The following TOP1 variants were observed in gnomAD, a reference collection of about 807,000 sequenced individuals.
The protein encoded by TOP1 is DNA topoisomerase 1.
Under a neutral mutation model 111.1 loss-of-function variants are expected in TOP1, and 10 were observed. The ratio of observed to expected loss-of-function variants is 0.09; its 90% CI spans 0.06 to 0.15. The LOEUF (loss-of-function observed/expected upper bound fraction) is 0.15. Ranked by LOEUF, TOP1 falls within the 10% of genes least tolerant of loss-of-function variation. The pLI, the probability that TOP1 is intolerant of heterozygous loss-of-function variation, is 1.00. For synonymous variants in TOP1, 271 were observed against 302.9 expected, an observed-to-expected ratio of 0.89 and a Z score of 1.10; for missense variants, 474 against 926.7, an observed-to-expected ratio of 0.51 and a Z score of 6.34.
Position 41,123,131 on chromosome 20 carries a change from G to A in TOP1, c.2196-64G>A. ...AGAGAAGATGGAACATCTGACCCTG[G>A]GCCTCAGATATGGGCCATTGCTGAG... On this transcript the variant is annotated intron_variant, in intron 20 of 20. Coordinates refer to ENST00000361337, the MANE Select transcript of TOP1 (RefSeq NM_003286.4). This position sits in a 1 kb window ranked among gnomAD's most constrained non-coding sequence, Gnocchi z 5.8. The A allele has an allele frequency of 9.4e-7, 1 of 1,058,740 alleles. No homozygotes were observed. The allele number at this position is 1,058,740 out of a possible 1,614,324, so 65.6% of individuals were successfully genotyped here. A position where few individuals can be genotyped will look rare whatever the true frequency, so the allele number is the denominator to read the frequency against.
intron 8 of TOP1, among the ~76,000 whole-genome samples, chr20:41,090,357 T>C (rs2033905121): frequency 6.6e-6 from 1 of 152,206 alleles, no homozygotes; most frequent in Non-Finnish European, 1.5e-5. Flanking sequence ...GGGTTGTTTA[T>C]TGAGATGTAG....
intron 2 of TOP1, among the ~76,000 whole-genome samples, chr20:41,048,673 G>A (rs2033363833): frequency 6.6e-6 from 1 of 152,236 alleles, no homozygotes; most frequent in African/African-American, 2.4e-5. Context: ...ACAATGAACA[G>A]TCTGTTCTGG....
rs1568687894 is a variant in TOP1, at chr20:41,079,826, G to A, written c.336-259G>A. On this transcript the variant is annotated intron_variant, in intron 5 of 20. Coordinates refer to ENST00000361337, the MANE Select transcript of TOP1 (RefSeq NM_003286.4). This position sits in a 1 kb window ranked among gnomAD's most constrained non-coding sequence, Gnocchi z 4.0. ...TGCTGGCAAAGATAGCTAAGAAATA[G>A]TGAGAAAGAATTCTGACTTAGAATA... Among the ~76,000 whole-genome samples, 2 of 152,220 alleles carry A rather than the reference G, an allele frequency of 1.3e-5. No homozygotes were observed. Among genetic ancestry groups the A allele is most frequent in the East Asian group, 1.9e-4 (1 of 5,202 alleles).
chr20:41,108,311 T>C (rs1292534136), intron 13 of TOP1, among the ~76,000 whole-genome samples: 1 of 152,206 alleles, frequency 6.6e-6, no homozygotes, highest in Admixed American at 6.5e-5. Context: ...TATCAAGAAA[T>C]GTAGCACAAG....
intron 2 of TOP1, among the ~76,000 whole-genome samples, chr20:41,052,713 A>G (rs774303931): frequency 2.0e-5 from 3 of 152,192 alleles, no homozygotes; most frequent in Non-Finnish European, 4.4e-5. Context: ...AAAAAGGACC[A>G]GGCATGGTGG....
At position 41,101,075 on chromosome 20, in the gene TOP1, G is replaced by A. The variant is rs550675305; in HGVS notation, c.1164-134G>A. The A allele has an allele frequency of 2.5e-6, 2 of 795,574 alleles. No individual in the cohort carries two copies. The highest frequency in any genetic ancestry group is 2.4e-5 in the Admixed American group (1 of 41,100). The allele number at this position is 795,574 out of a possible 1,614,324, so 49.3% of individuals were successfully genotyped here. A position where few individuals can be genotyped will look rare whatever the true frequency, so the allele number is the denominator to read the frequency against. On this transcript the variant is annotated intron_variant, in intron 12 of 20. Transcript: ENST00000361337. This position sits in a 1 kb window ranked among gnomAD's most constrained non-coding sequence, Gnocchi z 4.1. ...GAGGGTAAGTAAAACCATGCATAAG[G>A]TGGGACTACTGTATTGACTGTTAAG...
rs2033097061 is a variant in TOP1, at chr20:41,029,941, A to C, written c.58+486A>C. 6.6e-6 allele frequency among the ~76,000 whole-genome samples: 1 copy of C among 152,048 alleles called. No homozygotes were observed. The highest frequency in any genetic ancestry group is 2.4e-5 in the African/African-American group (1 of 41,394). ...GGGGGACTGAATTATTATTTTTTAA[A>C]CTTTATTTTGGGGGTTATTCCCTTT... is the stretch of plus-strand genomic sequence containing the variant. On this transcript the variant is annotated intron_variant, in intron 2 of 20. Coordinates refer to ENST00000361337, the MANE Select transcript of TOP1 (RefSeq NM_003286.4). The surrounding 1 kb of genome is among the most constrained non-coding windows in gnomAD (Gnocchi z 6.1).
In TOP1 at chr20:41,089,709, T is replaced by C. The variant is rs1445572954; in HGVS notation, c.615-2763T>C. ...TTCTGTGCTTAACTTTTTGAGGAAC[T>C]GCCATACTATCTTTTCCACATTGGC... On this transcript the variant is annotated intron_variant, in intron 8 of 20. Coordinates refer to ENST00000361337, the MANE Select transcript of TOP1 (RefSeq NM_003286.4). 2.6e-5 allele frequency among the ~76,000 whole-genome samples: 4 copies of C among 152,210 alleles called. No homozygotes were observed. In the East Asian group the frequency reaches 7.7e-4, roughly 29 times the overall value.
chr20:41,028,880 C>CA lies in TOP1; in HGVS notation c.-187dup, dbSNP rs1162527595. ...GGGTCTGTTCTCGCCGCCCGCCCGG[C>CA]AGTCAGGCAGCGTCGCCGCCGTGGT... On this transcript the variant is annotated 5_prime_UTR_variant, in exon 1 of 21. Coordinates refer to ENST00000361337, the MANE Select transcript of TOP1 (RefSeq NM_003286.4). 1 of 562,434 alleles carries CA rather than the reference C, an allele frequency of 1.8e-6. No homozygotes were observed. Among genetic ancestry groups the CA allele is most frequent in the Admixed American group, 3.4e-5 (1 of 29,390 alleles). 34.8% of individuals were successfully genotyped at this position (562,434 alleles called of 1,614,324 possible).
chr20:41,088,218 GC>G (rs1228988653), intron 8 of TOP1, among the ~76,000 whole-genome samples: 2 of 152,222 alleles, frequency 1.3e-5, no homozygotes, highest in Non-Finnish European at 2.9e-5. Flanking sequence ...ACACTGTAGG[GC>G]CGGGCGTGGT....
At chr20:41,066,352 A>G (rs1313463068) in intron 3 of TOP1, among the ~76,000 whole-genome samples, 2 of 151,842 alleles carry the variant, frequency 1.3e-5, no homozygotes, top group East Asian at 3.9e-4. Flanking sequence ...ACCTTCTTCA[A>G]CTCAGTTTCT....
intron 2 of TOP1, among the ~76,000 whole-genome samples, chr20:41,057,843 A>C (rs2033492888): frequency 6.6e-6 from 1 of 152,136 alleles, no homozygotes; most frequent in Admixed American, 6.5e-5. Flanking sequence ...TAATTGACAC[A>C]CATGCTTTAT....
chr20:41,077,013 A>G (rs985348160), intron 4 of TOP1, among the ~76,000 whole-genome samples: 1 of 152,230 alleles, frequency 6.6e-6, no homozygotes, highest in Non-Finnish European at 1.5e-5. Context: ...GAAAGCAGGA[A>G]GTCAAAGGGG....
At chr20:41,091,066 A>G (rs956978123) in intron 8 of TOP1, among the ~76,000 whole-genome samples, 1 of 152,208 alleles carries the variant, frequency 6.6e-6, no homozygotes, top group African/African-American at 2.4e-5. Flanking sequence ...GTTGTAAATC[A>G]TTTGACCATA....
intron 3 of TOP1, chr20:41,072,994 T>G: frequency 1.0e-6 from 1 of 985,456 alleles, no homozygotes; most frequent in Non-Finnish European, 1.2e-6. Flanking sequence ...AGGGGTTTAC[T>G]ACTCTAGCAG....
chr20:41,085,477 T>C (rs950752452), intron 8 of TOP1, among the ~76,000 whole-genome samples: 2 of 152,252 alleles, frequency 1.3e-5, no homozygotes, highest in Non-Finnish European at 2.9e-5. Context: ...TTTTGCTGTT[T>C]AGAATCTTGA....
At chr20:41,051,837 T>C (rs2033409723) in intron 2 of TOP1, among the ~76,000 whole-genome samples, 1 of 152,180 alleles carries the variant, frequency 6.6e-6, no homozygotes, top group Non-Finnish European at 1.5e-5. Context: ...CTAAGTTGTA[T>C]GAAATGATTG....
chr20:41,071,898 T>A lies in TOP1; in HGVS notation c.156-4273T>A, dbSNP rs1464897786. Among the ~76,000 whole-genome samples the A allele has an allele frequency of 6.6e-6, 1 of 152,226 alleles. No individual in the cohort carries two copies. The highest frequency in any genetic ancestry group is 6.5e-5 in the Admixed American group (1 of 15,284). On this transcript the variant is annotated intron_variant, in intron 3 of 20. Transcript: ENST00000361337. The surrounding 1 kb of genome is among the most constrained non-coding windows in gnomAD (Gnocchi z 4.3). ...TCATGCCCATGGGGTAAATTCATAT[T>A]TCATCCATAAGTGTGACCATTGCAG...
intron 8 of TOP1, among the ~76,000 whole-genome samples, chr20:41,089,384 T>C (rs897717753): frequency 2.0e-5 from 3 of 152,182 alleles, no homozygotes; most frequent in African/African-American, 7.2e-5. Context: ...ATTTGACTAC[T>C]TTAGGTACCT....
Sources: allele counts gnomAD v4.1 joint callset (sites outside exome capture counted in the v4.1 genomes callset), GRCh38; gene constraint gnomAD v4.1.1; non-coding constraint Gnocchi (gnomAD v3.1); transcripts MANE v1.5; gene names NCBI Gene and HGNC (gene_info 2026-07-23, HGNC 2026-07-21).